ADAMTS17: variants seen among roughly 807,000 people sequenced by gnomAD.
ADAMTS17 encodes the protein A disintegrin and metalloproteinase with thrombospondin motifs 17.
In ADAMTS17, 113 loss-of-function variants were observed where a neutral mutation model predicts 141.5. The ratio of observed to expected loss-of-function variants is 0.80; its 90% CI spans 0.69 to 0.93. The LOEUF (loss-of-function observed/expected upper bound fraction) is 0.93. Ranked by LOEUF, ADAMTS17 falls within the 40% of genes least tolerant of loss-of-function variation. ADAMTS17 has a pLI of 0.00. For synonymous variants in ADAMTS17, 768 were observed against 630.6 expected (o/e 1.22, Z -3.27); for missense variants, 1,659 against 1,517.9 (o/e 1.09, Z -1.54).
chr15:99,972,890 CA>C lies in ADAMTS17; in HGVS notation c.*1511del, dbSNP rs2060240296. The C allele has an allele frequency of 6.6e-6, 1 of 152,180 alleles. No individual in the cohort carries two copies. Among genetic ancestry groups the C allele is most frequent in the South Asian group, 2.1e-4 (1 of 4,828 alleles). The allele number at this position is 152,180 out of a possible 1,614,324, so 9.4% of individuals were successfully genotyped here. ...CATGTAACAAAACAAAACACAGAAA[CA>C]CAGCACCAATAAATCAAGAAGCACA... On this transcript the variant is annotated 3_prime_UTR_variant, in exon 22 of 22. Coordinates refer to ENST00000268070, the MANE Select transcript of ADAMTS17 (RefSeq NM_139057.4).
At chr15:100,116,145 A>C (rs796909543) in intron 13 of ADAMTS17, among the ~76,000 whole-genome samples, 38 of 149,212 alleles carry the variant, frequency 2.5e-4, no homozygotes, top group African/African-American at 6.6e-4. Context: ...AAAAAAAAAA[A>C]AAAAAAAAAA....
intron 20 of ADAMTS17, among the ~76,000 whole-genome samples, chr15:99,981,782 T>C (rs1371128104): frequency 6.6e-6 from 1 of 152,246 alleles, no homozygotes; most frequent in African/African-American, 2.4e-5. Context: ...GAGCTACTTA[T>C]ATAATTAAAA....
At chr15:100,123,021 A>T (rs1014295923) in intron 12 of ADAMTS17, among the ~76,000 whole-genome samples, 1 of 152,232 alleles carries the variant, frequency 6.6e-6, no homozygotes, top group African/African-American at 2.4e-5. Flanking sequence ...TGTGGCTGGC[A>T]GTTTCCACAG....
intron 3 of ADAMTS17, among the ~76,000 whole-genome samples, chr15:100,295,355 GCT>G (rs1238706438): frequency 6.6e-6 from 1 of 152,166 alleles, no homozygotes; most frequent in Non-Finnish European, 1.5e-5. Flanking sequence ...TTCCTGCTGA[GCT>G]CTGTCAATAG....
intron 4 of ADAMTS17, among the ~76,000 whole-genome samples, chr15:100,280,496 A>C (rs780459813): frequency 1.7e-4 from 26 of 152,064 alleles, no homozygotes; most frequent in Non-Finnish European, 2.8e-4. Context: ...CAACCTCGGC[A>C]CACTGCTCCC....
At chr15:100,210,230 CAAAAAAAAAAA>C (rs34086690) in intron 7 of ADAMTS17, among the ~76,000 whole-genome samples, 4 of 31,184 alleles carry the variant, frequency 1.3e-4, no homozygotes, top group Admixed American at 5.8e-4. Flanking sequence ...GACTCCATCT[CAAAAAAAAAAA>C]AAAAAAAAAA....
At chr15:99,988,267 T>C (rs2060629141) in intron 20 of ADAMTS17, among the ~76,000 whole-genome samples, 1 of 152,126 alleles carries the variant, frequency 6.6e-6, no homozygotes, top group African/African-American at 2.4e-5. Flanking sequence ...CTTGATGTCC[T>C]TCCCACGGTC....
chr15:100,204,594 A>G (rs117443653), intron 7 of ADAMTS17, among the ~76,000 whole-genome samples: 1 of 152,262 alleles, frequency 6.6e-6, no homozygotes, highest in South Asian at 2.1e-4. Context: ...GGAATAAAAA[A>G]GTTGGACCCC....
At chr15:100,248,964 A>C (rs971156111) in intron 7 of ADAMTS17, among the ~76,000 whole-genome samples, 1 of 151,522 alleles carries the variant, frequency 6.6e-6, no homozygotes, top group African/African-American at 2.4e-5. Context: ...ACGCCTGGCT[A>C]ATTTTTGTAT....
chr15:100,256,487 C>T (rs2043330735), intron 6 of ADAMTS17: 1 of 152,242 alleles, frequency 6.6e-6, no homozygotes, highest in African/African-American at 2.4e-5. Flanking sequence ...GCCCTGCAAG[C>T]TACCCAGCAG....
chr15:100,335,998 A>G (rs905897292), intron 2 of ADAMTS17, among the ~76,000 whole-genome samples: 1 of 152,192 alleles, frequency 6.6e-6, no homozygotes, highest in Non-Finnish European at 1.5e-5. Flanking sequence ...CCCATCACAC[A>G]CATCCAAGAT....
chr15:100,291,396 G>T (rs28415860), intron 3 of ADAMTS17, among the ~76,000 whole-genome samples: 1 of 152,146 alleles, frequency 6.6e-6, no homozygotes, highest in Non-Finnish European at 1.5e-5. Context: ...ATACACTGCT[G>T]GTGGAAATGT....
Position 99,971,895 on chromosome 15 carries a change from T to G in ADAMTS17, c.*2507A>C, listed in dbSNP as rs2060214200. On this transcript the variant is annotated 3_prime_UTR_variant, in exon 22 of 22. Coordinates refer to ENST00000268070, the MANE Select transcript of ADAMTS17 (RefSeq NM_139057.4). ...CAGCATCTAGTGGAACAAGAATGTT[T>G]ATGATGGTTTCACTGAAATCACTGC... 1 of 152,192 alleles carries G rather than the reference T, an allele frequency of 6.6e-6. No individual in the cohort carries two copies. The highest frequency in any genetic ancestry group is 1.5e-5 in the Non-Finnish European group (1 of 68,062). The allele number at this position is 152,192 out of a possible 1,614,324, so 9.4% of individuals were successfully genotyped here.
At chr15:100,309,863 C>T (rs928003152) in intron 3 of ADAMTS17, among the ~76,000 whole-genome samples, 8 of 152,200 alleles carry the variant, frequency 5.3e-5, no homozygotes, top group Non-Finnish European at 1.0e-4. Flanking sequence ...CAGTAGCCAA[C>T]GCCTGTACAC....
At chr15:100,136,571 T>C (rs191305337) in intron 10 of ADAMTS17, among the ~76,000 whole-genome samples, 18 of 152,374 alleles carry the variant, frequency 1.2e-4, no homozygotes, top group African/African-American at 2.9e-4. Context: ...CTGAGCCTCA[T>C]GGCAGCCCTG....
chr15:100,107,107 G>A (rs2141083178), intron 14 of ADAMTS17, among the ~76,000 whole-genome samples: 1 of 152,336 alleles, frequency 6.6e-6, no homozygotes, highest in East Asian at 1.9e-4. Context: ...TTTGGCCTTA[G>A]CAGGAAAAAG....
In ADAMTS17 at chr15:100,195,248, C is replaced by G. The variant is rs79390092; in HGVS notation, c.1181+4070G>C. Among the ~76,000 whole-genome samples the G allele has an allele frequency of 4.9e-3, 752 of 152,310 alleles. 5 individuals are homozygous for G. The highest frequency in any genetic ancestry group is 0.014 in the African/African-American group (601 of 41,556). On this transcript the variant is annotated intron_variant, in intron 8 of 21. Coordinates refer to ENST00000268070, the MANE Select transcript of ADAMTS17 (RefSeq NM_139057.4). ...TGCAGCTTCTCACACAGCACCTGCACCAGGACTTGCCATCCCCCAGCTCGT... is the reference window on the plus strand; with the variant it reads ...TGCAGCTTCTCACACAGCACCTGCAGCAGGACTTGCCATCCCCCAGCTCGT...
chr15:100,207,888 G>A (rs1227776499), intron 7 of ADAMTS17, among the ~76,000 whole-genome samples: 1 of 152,168 alleles, frequency 6.6e-6, no homozygotes, highest in Non-Finnish European at 1.5e-5. Flanking sequence ...ATTTGCAGGA[G>A]ACTCCCTGGA....
At position 100,124,773 on chromosome 15, in the gene ADAMTS17, A is replaced by G. The variant is rs546721199; in HGVS notation, c.1721+7234T>C. On this transcript the variant is annotated intron_variant, in intron 12 of 21. Transcript: ENST00000268070. ...TAGAGAGGCTTTGGTGAGAAACCGA[A>G]AGCGTGGAGAGAAAGGTGAGCTCTA... Among the ~76,000 whole-genome samples the G allele has an allele frequency of 3.0e-5, 4 of 131,206 alleles. No homozygotes were observed. The East Asian group carries it at 7.0e-4, about 23-fold the overall frequency. The allele number at this position is 131,206 out of a possible 152,430, so 86.1% of individuals were successfully genotyped here.
Sources: allele counts gnomAD v4.1 joint callset (sites outside exome capture counted in the v4.1 genomes callset), GRCh38; gene constraint gnomAD v4.1.1; transcripts MANE v1.5; gene names NCBI Gene and HGNC (gene_info 2026-07-23, HGNC 2026-07-21).